Variants in MAU2 observed in about 807,000 individuals in gnomAD.
The protein encoded by MAU2 is MAU2 sister chromatid cohesion factor, also known as MAU2 chromatid cohesion factor homolog.
Under a neutral mutation model 89.1 loss-of-function variants are expected in MAU2, and 9 were observed. The observed-to-expected ratio is 0.10, with a 90% CI of 0.06 to 0.18. The LOEUF (loss-of-function observed/expected upper bound fraction) is 0.18. Among genes scored for constraint, MAU2 ranks in the 10% least tolerant of loss-of-function variants. MAU2 has a pLI of 1.00. For synonymous variants in MAU2, 357 were observed against 343.4 expected (o/e 1.04, Z -0.44); for missense variants, 425 against 803.5 (o/e 0.53, Z 5.69).
intron 1 of MAU2, among the ~76,000 whole-genome samples, chr19:19,325,045 A>G (rs2146650621): frequency 6.6e-6 from 1 of 152,334 alleles, no homozygotes; most frequent in Non-Finnish European, 1.5e-5. Flanking sequence ...TCTGAAAAGC[A>G]AATGGCTGAA....
At chr19:19,329,821 C>T (rs2061540392) in intron 1 of MAU2, among the ~76,000 whole-genome samples, 1 of 151,544 alleles carries the variant, frequency 6.6e-6, no homozygotes, top group South Asian at 2.1e-4. Context: ...GAAAAATTAG[C>T]CACACATGCC....
intron 1 of MAU2, among the ~76,000 whole-genome samples, chr19:19,326,855 G>A (rs1378893692): frequency 1.3e-5 from 2 of 149,870 alleles, no homozygotes; most frequent in East Asian, 3.9e-4. Context: ...TCGTGCCACT[G>A]CACTCCACCC....
intron 16 of MAU2, chr19:19,352,718 G>A (rs2061755230): frequency 6.6e-6 from 1 of 152,276 alleles, no homozygotes; most frequent in Non-Finnish European, 1.5e-5. Context: ...AAGGAGGGTT[G>A]AGCAGCTGGT....
chr19:19,356,491 A>C lies in MAU2; in HGVS notation c.*709A>C, dbSNP rs539817899. On this transcript the variant is annotated 3_prime_UTR_variant, in exon 19 of 19. Coordinates refer to ENST00000262815, the MANE Select transcript of MAU2 (RefSeq NM_015329.4). ...TGTGGATGCACACGGGTGTGCGGTGAAGATCTGTGGAGATGGAGCTGGGAG... is the reference window on the plus strand; with the variant it reads ...TGTGGATGCACACGGGTGTGCGGTGCAGATCTGTGGAGATGGAGCTGGGAG... The C allele has an allele frequency of 3.3e-4, 64 of 191,114 alleles. No homozygotes were observed. The highest frequency in any genetic ancestry group is 1.3e-3 in the African/African-American group (55 of 42,416). 11.8% of individuals were successfully genotyped at this position (191,114 alleles called of 1,614,324 possible). A position where few individuals can be genotyped will look rare whatever the true frequency, so the allele number is the denominator to read the frequency against.
chr19:19,340,952 C>G (rs1397512372), intron 6 of MAU2, 79 bp downstream of exon 6: 2 of 1,572,770 alleles, frequency 1.3e-6, no homozygotes, highest in African/African-American at 2.7e-5. Context: ...CTGCTCAGAC[C>G]CCACCCACTC....
intron 5 of MAU2, among the ~76,000 whole-genome samples, chr19:19,340,055 C>T (rs1304932276): frequency 2.0e-5 from 3 of 151,820 alleles, no homozygotes; most frequent in African/African-American, 7.3e-5. Flanking sequence ...GTCCCAGCTA[C>T]TCAGGAGGCT....
Position 19,345,656 on chromosome 19 carries a change from T to G in MAU2, c.1221+287T>G, listed in dbSNP as rs547585759. 4.0e-4 allele frequency among the ~76,000 whole-genome samples: 61 copies of G among 152,116 alleles called. No individual in the cohort carries two copies. The highest frequency in any genetic ancestry group is 1.4e-3 in the African/African-American group (58 of 41,486). ...CCACTTTCATGCCTGAGTGGGAACT[T>G]TTGCGGCACCCACCCCCAAGGCTGG... On this transcript the variant is annotated intron_variant, in intron 12 of 18. Transcript: ENST00000262815. The surrounding 1 kb of genome is among the most constrained non-coding windows in gnomAD (Gnocchi z 4.9).
chr19:19,331,862 T>C (rs1209463679), intron 1 of MAU2, among the ~76,000 whole-genome samples: 1 of 152,218 alleles, frequency 6.6e-6, no homozygotes, highest in Non-Finnish European at 1.5e-5. Context: ...CATACTGCCC[T>C]TCAGGAATGT....
chr19:19,332,042 AACTCT>A (rs2146666951), intron 1 of MAU2, among the ~76,000 whole-genome samples: 1 of 152,350 alleles, frequency 6.6e-6, no homozygotes, highest in African/African-American at 2.4e-5. Flanking sequence ...TCCTCTAATG[AACTCT>A]ACTCATTATC....
chr19:19,349,616 C>T (rs562299450), intron 16 of MAU2, among the ~76,000 whole-genome samples, 180 bp downstream of exon 16: 1 of 152,264 alleles, frequency 6.6e-6, no homozygotes, highest in South Asian at 2.1e-4. Flanking sequence ...GAGCTGGGCA[C>T]CCACAGAGGG....
chr19:19,325,722 G>T (rs1172665000), intron 1 of MAU2, among the ~76,000 whole-genome samples: 1 of 151,642 alleles, frequency 6.6e-6, no homozygotes, highest in African/African-American at 2.4e-5. Flanking sequence ...CAGGTGATCT[G>T]CCCGCCTCAG....
intron 12 of MAU2, among the ~76,000 whole-genome samples, chr19:19,346,177 A>G (rs1255607369): frequency 1.3e-5 from 2 of 152,086 alleles, no homozygotes; most frequent in Non-Finnish European, 2.9e-5. Flanking sequence ...GAGCCCTGAC[A>G]TGCAGACAGC....
rs770952032 is a variant in MAU2, at chr19:19,347,313, G to A, written c.1255G>A (p.Val419Ile). The A allele has an allele frequency of 7.4e-6, 12 of 1,613,706 alleles. No homozygotes were observed. Among genetic ancestry groups the A allele is most frequent in the South Asian group, 3.3e-5 (3 of 91,052 alleles). Residue 419 changes from valine (V) to isoleucine (I), a missense_variant, in exon 13 of 19, where the codon GTC (valine) becomes ATC (isoleucine). Val to Ile is a conservative substitution (Grantham distance 29). Around this residue, in one of 11 missense-constraint regions of MAU2, gnomAD observed 66 missense variants for 129.1 expected, o/e 0.51. Transcript: ENST00000262815. ...TNHQELWAFI[V>I]TNLASVYIRE... The stretch of plus-strand genomic sequence containing the variant: ...CCACCAGGAGCTGTGGGCCTTCATC[G>A]TCACCAACCTGGCGAGTGTGTATAT...
intron 4 of MAU2, 43 bp downstream of exon 4, chr19:19,337,308 A>G (rs2061605132): frequency 1.3e-6 from 2 of 1,507,786 alleles, no homozygotes; most frequent in Non-Finnish European, 1.8e-6. Context: ...GGCAGGGACC[A>G]TGACCCTGGG....
intron 1 of MAU2, among the ~76,000 whole-genome samples, chr19:19,323,357 G>T (rs1478648257): frequency 6.6e-6 from 1 of 151,892 alleles, no homozygotes; most frequent in Non-Finnish European, 1.5e-5. Context: ...ACATCATCTG[G>T]CTAATTTTTG....
At chr19:19,335,612 T>C in intron 1 of MAU2, 106 bp from the exon 2 acceptor site, 1 of 1,140,552 alleles carries the variant, frequency 8.8e-7, no homozygotes, top group South Asian at 1.3e-5. Flanking sequence ...CCTGGATACC[T>C]GGCAGCCTCT....
At position 19,341,342 on chromosome 19, in the gene MAU2, C is replaced by G. The variant is rs1204993745; in HGVS notation, c.670C>G (p.Gln224Glu). 4 of 1,613,864 alleles carry G rather than the reference C, an allele frequency of 2.5e-6. No individual in the cohort carries two copies. Among genetic ancestry groups the G allele is most frequent in the Non-Finnish European group, 3.4e-6 (4 of 1,180,032 alleles). ...GGAGAACTGGCAGGGGAACCCCATC[C>G]AGAAGGAGTCGCTGCGTGTCTTCTT... ...IVENWQGNPI[Q>E]KESLRVFFLV... is the part of the protein sequence containing the mutation. The change falls in exon 7 of 19, where the codon CAG becomes GAG. Residue 224 changes from glutamine (Q) to glutamate (E), a missense_variant. Physicochemically the swap from Gln to Glu is conservative, Grantham distance 29. Transcript: ENST00000262815.
Position 19,349,179 on chromosome 19 carries a change from C to T in MAU2, c.1383C>T (p.Ala461=), listed in dbSNP as rs920883050. The T allele has an allele frequency of 6.2e-7, 1 of 1,614,180 alleles. No homozygotes were observed. The highest frequency in any genetic ancestry group is 2.2e-5 in the East Asian group (1 of 44,890). The change falls in exon 15 of 19, where the codon GCC becomes GCT. Residue 461 remains alanine, a synonymous_variant. Transcript: ENST00000262815. Reference sequence around the variant, plus strand: ...GCTCGCACTGCCTCCGAGCAGCCGCCTTCTATGTGCGTGGGCTCTTCTCCT... The same window carrying T: ...GCTCGCACTGCCTCCGAGCAGCCGCTTTCTATGTGCGTGGGCTCTTCTCCT... ...PVSSHCLRAA[A]FYVRGLFSFF... is the part of the protein sequence containing the mutation.
chr19:19,348,991 T>C (rs12982276), intron 14 of MAU2, 53 bp downstream of exon 14: 331,537 of 1,598,422 alleles, frequency 0.21, 39,780 homozygotes, highest in African/African-American at 0.45. Context: ...CCGTGCTCTT[T>C]GGTTGGGGCC....
Sources: gnomAD v4.1 joint callset for allele counts (sites outside exome capture counted in the v4.1 genomes callset) on GRCh38, gnomAD v4.1.1 for gene constraint, gnomAD v4.1.1 regional missense constraint, Gnocchi (gnomAD v3.1) non-coding constraint, MANE v1.5 for transcripts, NCBI Gene and HGNC (gene_info 2026-07-23, HGNC 2026-07-21) for gene names.